SNAPC4: variants seen among roughly 807,000 people sequenced by gnomAD.
SNAPC4 encodes small nuclear RNA activating complex polypeptide 4.
Under a neutral mutation model 151.3 loss-of-function variants are expected in SNAPC4, and 127 were observed. The ratio of observed to expected loss-of-function variants is 0.84; its 90% CI spans 0.73 to 0.97. SNAPC4 has a LOEUF of 0.97. SNAPC4 is among the 50% of genes least tolerant of loss of function. The pLI is 0.00. For synonymous variants in SNAPC4, 1,002 were observed against 824.4 expected, an observed-to-expected ratio of 1.22 and a Z score of -3.69; for missense variants, 2,186 against 1,935.0, an observed-to-expected ratio of 1.13 and a Z score of -2.43.
intron 7 of SNAPC4, 115 bp from the exon 8 acceptor site, chr9:136,392,892 T>C (rs1834132241): frequency 2.4e-6 from 2 of 830,344 alleles, no homozygotes; most frequent in Non-Finnish European, 3.9e-6. Context: ...CGAGCCTCCC[T>C]CACCCTCCCT....
rs1310115474 is a variant in SNAPC4, at chr9:136,376,499, C to T, written c.4285-18G>A. 1 of 1,612,490 alleles carries T rather than the reference C, an allele frequency of 6.2e-7. No homozygotes were observed. Among genetic ancestry groups the T allele is most frequent in the Non-Finnish European group, 8.5e-7 (1 of 1,179,558 alleles). On this transcript the variant is annotated intron_variant, in intron 22 of 23. Transcript: ENST00000684778. ...GGGGCTCCCTGAAAGAAAATCCAGGCAGTGGGGACAAGAGTGACACCCCCG... is the reference window on the plus strand; with the variant it reads ...GGGGCTCCCTGAAAGAAAATCCAGGTAGTGGGGACAAGAGTGACACCCCCG...
At chr9:136,399,197 A>G (rs1328859357) in intron 1 of SNAPC4, among the ~76,000 whole-genome samples, 1 of 152,186 alleles carries the variant, frequency 6.6e-6, no homozygotes, top group Non-Finnish European at 1.5e-5. Flanking sequence ...ACCCAACAAC[A>G]AAGAGAAACG....
intron 5 of SNAPC4, 30 bp downstream of exon 5, chr9:136,395,268 G>A: frequency 6.2e-7 from 1 of 1,607,064 alleles, no homozygotes; most frequent in Non-Finnish European, 8.5e-7. Flanking sequence ...GCAGAGCCTT[G>A]CCGACAAGAG....
chr9:136,383,278 G>T lies in SNAPC4; in HGVS notation c.1891C>A (p.Pro631Thr), dbSNP rs148400916. The T allele has an allele frequency of 1.4e-4, 225 of 1,611,756 alleles. 1 individual carries two copies. Among genetic ancestry groups the T allele is most frequent in the Middle Eastern group, 3.3e-4 (2 of 6,074 alleles). The change falls in exon 16 of 24, where the codon CCT becomes ACT. Residue 631 changes from proline to threonine, a missense_variant. By Grantham distance (38) the Pro-to-Thr change is conservative. Transcript: ENST00000684778. This position sits in a 1 kb window ranked among gnomAD's most constrained non-coding sequence, Gnocchi z 4.2. ...PGEETSPVQVPARAHGPVPRS... is the reference protein window; with the variant it reads ...PGEETSPVQVTARAHGPVPRS... ...GGGACAGGGCCGTGGGCCCTGGCAGGGACCTGCACCGGACTCGTCTCCTCT... is the reference window on the plus strand; with the variant it reads ...GGGACAGGGCCGTGGGCCCTGGCAGTGACCTGCACCGGACTCGTCTCCTCT...
In SNAPC4 at chr9:136,383,762, C is replaced by G; in HGVS notation, c.1501-94G>C. ...CCAGCCCTTTGGGGAGAGGCCCAAG[C>G]GGGGGCGCCTCCGGGGTCAAGAGCA... On this transcript the variant is annotated intron_variant, in intron 15 of 23. Transcript: ENST00000684778. This position sits in a 1 kb window ranked among gnomAD's most constrained non-coding sequence, Gnocchi z 4.2. The G allele has an allele frequency of 6.7e-7, 1 of 1,497,180 alleles. No individual in the cohort carries two copies. The highest frequency in any genetic ancestry group is 2.3e-5 in the East Asian group (1 of 44,194). The allele number at this position is 1,497,180 out of a possible 1,614,324, so 92.7% of individuals were successfully genotyped here.
chr9:136,397,105 C>T, intron 2 of SNAPC4, 82 bp from the exon 3 acceptor site: 1 of 1,235,686 alleles, frequency 8.1e-7, no homozygotes, highest in Non-Finnish European at 1.2e-6. Context: ...GCTTCTTGGG[C>T]AGACCTGGGG....
In SNAPC4 at chr9:136,377,632, C is replaced by G. The variant is rs1427915597; in HGVS notation, c.4195G>C (p.Glu1399Gln). The G allele has an allele frequency of 1.3e-6, 2 of 1,581,958 alleles. No homozygotes were observed. Among genetic ancestry groups the G allele is most frequent in the Non-Finnish European group, 1.7e-6 (2 of 1,162,528 alleles). ...CTCAGGAGGTCTTCATCCTCACTCT[C>G]AGAGCCCACCCTCGAAGGTACTGAG... is the stretch of plus-strand genomic sequence containing the variant. Reference protein sequence around the residue: ...TLSVPSRVGSESEDEDLLSEL... With the variant: ...TLSVPSRVGSQSEDEDLLSEL... Residue 1399 changes from glutamate to glutamine, a missense_variant, in exon 22 of 24, where the codon GAG (glutamate) becomes CAG (glutamine). By Grantham distance (29) the Glu-to-Gln change is conservative. Coordinates refer to ENST00000684778, the MANE Select transcript of SNAPC4 (RefSeq NM_003086.4).
chr9:136,387,317 G>A (rs1833922383), intron 13 of SNAPC4, among the ~76,000 whole-genome samples, 168 bp downstream of exon 13: 1 of 152,200 alleles, frequency 6.6e-6, no homozygotes, highest in South Asian at 2.1e-4. Context: ...ACCCTGGCAA[G>A]CAAGCGCCCA....
intron 1 of SNAPC4, chr9:136,398,909 TCACAGAGACACA>T (rs1834361477): frequency 6.3e-6 from 1 of 158,820 alleles, no homozygotes; most frequent in Non-Finnish European, 1.4e-5. Flanking sequence ...TGAGAAACGT[TCACAGAGACACA>T]CACTGAGACT....
At position 136,379,758 on chromosome 9, in the gene SNAPC4, A is replaced by T; in HGVS notation, c.2527+79T>A. On this transcript the variant is annotated intron_variant, in intron 21 of 23. Coordinates refer to ENST00000684778, the MANE Select transcript of SNAPC4 (RefSeq NM_003086.4). ...GTGCTGCTTGGGGGCTGTGGGTGAA[A>T]GCCAGGGCCAGGTTAGGCCTCTTCC... The T allele has an allele frequency of 2.2e-6, 3 of 1,367,762 alleles. No individual in the cohort carries two copies. The South Asian group carries it at 3.6e-5, about 16-fold the overall frequency. 84.7% of individuals were successfully genotyped at this position (1,367,762 alleles called of 1,614,324 possible). A position where few individuals can be genotyped will look rare whatever the true frequency, so the allele number is the denominator to read the frequency against.
At chr9:136,398,629 C>G (rs933334452) in intron 1 of SNAPC4, 192 bp from the exon 2 acceptor site, 2 of 586,730 alleles carry the variant, frequency 3.4e-6, no homozygotes, top group Admixed American at 3.1e-5. Flanking sequence ...ACCCCACAAA[C>G]TCCTGCTATG....
At chr9:136,387,356 C>A in intron 13 of SNAPC4, 129 bp downstream of exon 13, 1 of 733,914 alleles carries the variant, frequency 1.4e-6, no homozygotes, top group East Asian at 2.5e-5. Context: ...ACCTGGTCAG[C>A]GACCCACACG....
chr9:136,394,118 A>G, intron 7 of SNAPC4, 131 bp downstream of exon 7: 1 of 765,842 alleles, frequency 1.3e-6, no homozygotes, highest in Non-Finnish European at 2.3e-6. Context: ...GGGTCTCACC[A>G]TGTTGCCCAG....
At position 136,378,770 on chromosome 9, in the gene SNAPC4, G is replaced by C; in HGVS notation, c.3057C>G (p.Pro1019=). The C allele has an allele frequency of 1.3e-6, 2 of 1,540,490 alleles. No individual in the cohort carries two copies. The highest frequency in any genetic ancestry group is 1.8e-6 in the Non-Finnish European group (2 of 1,142,782). The change falls in exon 22 of 24, where the codon CCC becomes CCG. Residue 1019 remains proline, a synonymous_variant. Transcript: ENST00000684778. ...LGPGQISVSC[P]ESGLGQSQAP... is the part of the protein sequence containing the mutation. ...CCTGAGACTGTCCGAGACCACTCTCGGGGCAGCTCACAGAGATCTGGCCGG... is the reference window on the plus strand; with the variant it reads ...CCTGAGACTGTCCGAGACCACTCTCCGGGCAGCTCACAGAGATCTGGCCGG...
At chr9:136,382,197 C>CAA in intron 17 of SNAPC4, 56 bp downstream of exon 17, 1 of 1,602,118 alleles carries the variant, frequency 6.2e-7, no homozygotes, top group African/African-American at 1.3e-5. Flanking sequence ...AGGAATCACT[C>CAA]AGACCAGGGC....
chr9:136,383,214 G>A lies in SNAPC4; in HGVS notation c.1955C>T (p.Pro652Leu), dbSNP rs371804174. ...CAGGGCCTGCTTCTCTGCGCCCGCCGGGCGAGTGTCTGCTGAGTGGGAGGC... is the reference window on the plus strand; with the variant it reads ...CAGGGCCTGCTTCTCTGCGCCCGCCAGGCGAGTGTCTGCTGAGTGGGAGGC... ...AQASHSADTR[P>L]AGAEKQALEG... The change falls in exon 16 of 24, where the codon CCG becomes CTG. Residue 652 changes from proline to leucine, a missense_variant. Transcript: ENST00000684778. This position sits in a 1 kb window ranked among gnomAD's most constrained non-coding sequence, Gnocchi z 4.2. The A allele has an allele frequency of 3.7e-5, 58 of 1,556,920 alleles. No homozygotes were observed. Among genetic ancestry groups the A allele is most frequent in the East Asian group, 2.7e-4 (12 of 44,330 alleles).
chr9:136,398,213 C>T lies in SNAPC4; in HGVS notation c.130+86G>A, dbSNP rs568513311. 2.2e-5 allele frequency: 31 copies of T among 1,415,872 alleles called. No individual in the cohort carries two copies. In the African/African-American group the frequency reaches 3.7e-4, roughly 17 times the overall value. 87.7% of individuals were successfully genotyped at this position (1,415,872 alleles called of 1,614,324 possible). On this transcript the variant is annotated intron_variant, in intron 2 of 23. Coordinates refer to ENST00000684778, the MANE Select transcript of SNAPC4 (RefSeq NM_003086.4). ...CTGAGAAACCACACCCGGCTACCATCACTCCCTAATGTGCCTGAGAGGAAC... is the reference window on the plus strand; with the variant it reads ...CTGAGAAACCACACCCGGCTACCATTACTCCCTAATGTGCCTGAGAGGAAC...
Position 136,388,584 on chromosome 9 carries a change from C to T in SNAPC4, c.983G>A (p.Arg328His), listed in dbSNP as rs767361999. ...TTTCTGCAGGCACTGGAAGGCGCTG[C>T]GGCTGGTCTTCCCAGGCCCAAACAA... ...QKIAEELGTSRSAFQCLQKFQ... is the reference protein window; with the variant it reads ...QKIAEELGTSHSAFQCLQKFQ... The change falls in exon 11 of 24, where the codon CGC becomes CAC. Residue 328 changes from arginine to histidine, a missense_variant. By Grantham distance (29) the Arg-to-His change is conservative. Coordinates refer to ENST00000684778, the MANE Select transcript of SNAPC4 (RefSeq NM_003086.4). 5 of 1,613,852 alleles carry T rather than the reference C, an allele frequency of 3.1e-6. No homozygotes were observed. Among genetic ancestry groups the T allele is most frequent in the East Asian group, 4.5e-5 (2 of 44,882 alleles).
chr9:136,394,951 A>C (rs1834210493), intron 5 of SNAPC4, 73 bp from the exon 6 acceptor site: 1 of 1,363,460 alleles, frequency 7.3e-7, no homozygotes, highest in Non-Finnish European at 1.0e-6. Context: ...ATCCCTCCAG[A>C]GCCCACAAAA....
Sources: gnomAD v4.1 joint callset for allele counts (sites outside exome capture counted in the v4.1 genomes callset) on GRCh38, gnomAD v4.1.1 for gene constraint, Gnocchi (gnomAD v3.1) non-coding constraint, MANE v1.5 for transcripts, NCBI Gene and HGNC (gene_info 2026-07-23, HGNC 2026-07-21) for gene names.